Variants in ORC3 observed in about 807,000 individuals in gnomAD.
ORC3 encodes homolog of latheo, Drosophila.
A neutral mutation model predicts 100.7 loss-of-function variants in ORC3; 78 were observed. The ratio of observed to expected loss-of-function variants is 0.77; its 90% CI spans 0.65 to 0.94. The LOEUF is 0.94. ORC3 is among the 40% of genes least tolerant of loss of function. The pLI, the probability that ORC3 is intolerant of heterozygous loss-of-function variation, is 0.00. For synonymous variants in ORC3, 295 were observed against 289.3 expected (o/e 1.02, Z -0.20); for missense variants, 789 against 823.9 (o/e 0.96, Z 0.52).
intron 8 of ORC3, among the ~76,000 whole-genome samples, chr6:87,614,769 T>A (rs1779038981): frequency 6.6e-6 from 1 of 152,200 alleles, no homozygotes; most frequent in African/African-American, 2.4e-5. Context: ...AACAAGTTTG[T>A]CATCTCCATC....
At chr6:87,596,277 G>A (rs1447090824) in intron 2 of ORC3, among the ~76,000 whole-genome samples, 3 of 151,902 alleles carry the variant, frequency 2.0e-5, no homozygotes, top group Non-Finnish European at 4.4e-5. Flanking sequence ...GGGACTACAG[G>A]CATGCGCCAC....
rs1417266793 is a variant in ORC3, at chr6:87,610,555, TA to T, written c.713+1327del. 2.2e-3 allele frequency among the ~76,000 whole-genome samples: 290 copies of T among 132,790 alleles called. 13 individuals carry two copies. The highest frequency in any genetic ancestry group is 8.5e-3 in the African/African-American group (270 of 31,912). 87.1% of individuals were successfully genotyped at this position (132,790 alleles called of 152,430 possible). A position where few individuals can be genotyped will look rare whatever the true frequency, so the allele number is the denominator to read the frequency against. On this transcript the variant is annotated intron_variant, in intron 7 of 19. Transcript: ENST00000392844. ...ATATACTTTATTTTTTTTTATTTTT[TA>T]TTTTTTTTGAGACGGAGTCTCGCTC...
chr6:87,602,972 C>CACATATATAATATATATAT (rs1398124278), intron 3 of ORC3, among the ~76,000 whole-genome samples: 2 of 62,874 alleles, frequency 3.2e-5, no homozygotes, highest in African/African-American at 1.1e-4. Flanking sequence ...TATATATATA[C>CACATATATAATATATATAT]ATATATATAT....
chr6:87,665,600 G>T (rs1770533384), intron 18 of ORC3, among the ~76,000 whole-genome samples, 154 bp from the exon 19 acceptor site: 1 of 152,074 alleles, frequency 6.6e-6, no homozygotes, highest in South Asian at 2.1e-4. Flanking sequence ...ATATATAAGT[G>T]GTTTAAAGTG....
intron 11 of ORC3, among the ~76,000 whole-genome samples, chr6:87,624,483 A>AAAAACAAAAC (rs1324508053): frequency 6.6e-6 from 1 of 152,192 alleles, no homozygotes; most frequent in Non-Finnish European, 1.5e-5. Context: ...TTCAAAGAAC[A>AAAAACAAAAC]AAAACAAAAC....
At chr6:87,625,586 A>G (rs1388097233) in intron 11 of ORC3, among the ~76,000 whole-genome samples, 1 of 152,016 alleles carries the variant, frequency 6.6e-6, no homozygotes, top group Non-Finnish European at 1.5e-5. Flanking sequence ...TAGATTCTGG[A>G]TATTAGCCCT....
chr6:87,666,168 A>G (rs577419546), intron 19 of ORC3, among the ~76,000 whole-genome samples: 14 of 152,168 alleles, frequency 9.2e-5, no homozygotes, highest in East Asian at 1.9e-4. Flanking sequence ...AGTCTCGTCT[A>G]TCGCCCAAGC....
intron 2 of ORC3, among the ~76,000 whole-genome samples, chr6:87,598,508 CCT>C (rs1278488640): frequency 6.6e-6 from 1 of 152,148 alleles, no homozygotes; most frequent in South Asian, 2.1e-4. Context: ...CTTAATACTG[CCT>C]CTCATTATAT....
intron 2 of ORC3, among the ~76,000 whole-genome samples, chr6:87,600,964 A>G (rs932824886): frequency 6.6e-6 from 1 of 152,202 alleles, no homozygotes; most frequent in Non-Finnish European, 1.5e-5. Flanking sequence ...AGTGCAATAA[A>G]TGGTATTTTC....
At chr6:87,677,377 C>T in the ORC3 span, among the ~76,000 whole-genome samples, 1 of 152,070 alleles carries the variant, frequency 6.6e-6, no homozygotes, top group Non-Finnish European at 1.5e-5. Flanking sequence ...TGTTACCATA[C>T]ATAATAAATT....
chr6:87,629,051 A>G (rs1780121189), intron 11 of ORC3, among the ~76,000 whole-genome samples: 1 of 152,186 alleles, frequency 6.6e-6, no homozygotes, highest in Admixed American at 6.5e-5. Context: ...AGATGAGAAG[A>G]CTAGCACTCT....
intron 13 of ORC3, among the ~76,000 whole-genome samples, chr6:87,648,017 T>C (rs750064060): frequency 2.0e-4 from 30 of 152,122 alleles, no homozygotes; most frequent in Non-Finnish European, 4.1e-4. Flanking sequence ...CTGGCCAATA[T>C]GGTAAAACCG....
At chr6:87,675,720 A>G in the ORC3 span, 1 of 1,481,314 alleles carries the variant, frequency 6.8e-7, no homozygotes. Context: ...AAAGACTTGC[A>G]AAGTTATGCT....
rs200739084 is a variant in ORC3 at position 87,590,214 on chromosome 6, C to G, written c.24+22C>G. On this transcript the variant is annotated intron_variant, in intron 1 of 19. Coordinates refer to ENST00000392844, the MANE Select transcript of ORC3 (RefSeq NM_012381.4). ...TAAGGTATGTGGTGGCCGATGCGCA[C>G]TGTGGCTCTACCGCTGCCTCATTCC... 124 of 1,611,986 alleles carry G rather than the reference C, an allele frequency of 7.7e-5. No homozygotes were observed. The East Asian group carries it at 1.4e-3, about 18-fold the overall frequency.
chr6:87,594,798 A>G (rs1177775954), intron 2 of ORC3, among the ~76,000 whole-genome samples: 2 of 152,238 alleles, frequency 1.3e-5, no homozygotes, highest in Admixed American at 6.5e-5. Flanking sequence ...CTGGCAACCC[A>G]GATTTCTAAT....
intron 13 of ORC3, among the ~76,000 whole-genome samples, chr6:87,642,760 G>C (rs1768374223): frequency 6.7e-6 from 1 of 149,692 alleles, no homozygotes; most frequent in Non-Finnish European, 1.5e-5. Context: ...AAATTAGCCG[G>C]GTGTGGTGGC....
chr6:87,670,159 C>T (rs1224418777), downstream of ORC3, among the ~76,000 whole-genome samples: 2 of 152,118 alleles, frequency 1.3e-5, no homozygotes, highest in South Asian at 4.1e-4. Context: ...AAGAAAGTAG[C>T]AGGATGGCAA....
At chr6:87,619,801 G>C (rs893210403) in intron 9 of ORC3, among the ~76,000 whole-genome samples, 1 of 152,190 alleles carries the variant, frequency 6.6e-6, no homozygotes, top group African/African-American at 2.4e-5. Context: ...CCACTAACAA[G>C]TGACAGCATC....
the ORC3 span, among the ~76,000 whole-genome samples, chr6:87,676,887 T>G: frequency 6.6e-6 from 1 of 151,056 alleles, no homozygotes; most frequent in South Asian, 2.1e-4. Flanking sequence ...CCATCCTGGC[T>G]AACACGGTGA....
Sources: allele counts gnomAD v4.1 joint callset (sites outside exome capture counted in the v4.1 genomes callset), GRCh38; gene constraint gnomAD v4.1.1; transcripts MANE v1.5; gene names NCBI Gene and HGNC (gene_info 2026-07-23, HGNC 2026-07-21).